TRAPPC3L: variants seen among roughly 807,000 people sequenced by gnomAD.
TRAPPC3L encodes trafficking protein particle complex subunit 3-like protein.
Under a neutral mutation model 23.7 loss-of-function variants are expected in TRAPPC3L, and 23 were observed. That is an observed-to-expected ratio of 0.97 (90% CI 0.70 to 1.37). The LOEUF is 1.37. TRAPPC3L is among the 40% of genes most tolerant of loss of function. TRAPPC3L has a pLI of 0.00. For synonymous variants in TRAPPC3L, 81 were observed against 77.9 expected, an observed-to-expected ratio of 1.04 and a Z score of -0.21; for missense variants, 212 against 216.8, an observed-to-expected ratio of 0.98 and a Z score of 0.14.
At chr6:116,514,927 G>A (rs988374462) in intron 3 of TRAPPC3L, among the ~76,000 whole-genome samples, 2 of 152,196 alleles carry the variant, frequency 1.3e-5, no homozygotes, top group African/African-American at 4.8e-5. Context: ...AAAAAAGTTA[G>A]AAGATAATTT....
At chr6:116,507,351 A>T (rs1221852957) in intron 3 of TRAPPC3L, among the ~76,000 whole-genome samples, 3 of 152,112 alleles carry the variant, frequency 2.0e-5, no homozygotes, top group African/African-American at 4.8e-5. Context: ...GAAGGGAAAA[A>T]TTTTGGAGTA....
chr6:116,501,858 C>T (rs9320563), intron 3 of TRAPPC3L, among the ~76,000 whole-genome samples: 59,690 of 151,974 alleles, frequency 0.39, 12,856 homozygotes, highest in East Asian at 0.54. Context: ...CACACCAAAC[C>T]CCATCCATAG....
chr6:116,502,191 G>A (rs1771928276), intron 3 of TRAPPC3L, among the ~76,000 whole-genome samples: 1 of 152,134 alleles, frequency 6.6e-6, no homozygotes, highest in Non-Finnish European at 1.5e-5. Flanking sequence ...TGACCTGATG[G>A]AGCTGAAAAC....
At chr6:116,537,892 TC>T (rs776243655) in intron 3 of TRAPPC3L, among the ~76,000 whole-genome samples, 56 of 152,204 alleles carry the variant, frequency 3.7e-4, no homozygotes, top group African/African-American at 5.1e-4. Context: ...AATATGTACT[TC>T]CTATTGGCAT....
rs201416592 is a variant in TRAPPC3L at position 116,516,021 on chromosome 6, G to A, written c.241-15355C>T. The stretch of plus-strand genomic sequence containing the variant: ...CACCATCAATGACTCATGGTGTTGA[G>A]TGGCATGCTCATTCTGTGATCCTCC... On this transcript the variant is annotated intron_variant, in intron 3 of 4. Coordinates refer to ENST00000368602, the MANE Select transcript of TRAPPC3L (RefSeq NM_001139444.3). 11 of 1,548,584 alleles carry A rather than the reference G, an allele frequency of 7.1e-6. No individual in the cohort carries two copies. The East Asian group carries it at 1.8e-4, about 26-fold the overall frequency.
chr6:116,505,067 G>A (rs1771980262), intron 3 of TRAPPC3L, among the ~76,000 whole-genome samples: 1 of 152,156 alleles, frequency 6.6e-6, no homozygotes, highest in South Asian at 2.1e-4. Context: ...AGGAAAAGAG[G>A]AAGTCAAATT....
chr6:116,503,971 G>A (rs1430742387), intron 3 of TRAPPC3L, among the ~76,000 whole-genome samples: 4 of 152,096 alleles, frequency 2.6e-5, no homozygotes, highest in Admixed American at 2.0e-4. Context: ...AACTAGAGAA[G>A]CAAGAGCAAA....
At chr6:116,531,854 A>C (rs1385638634) in intron 3 of TRAPPC3L, among the ~76,000 whole-genome samples, 5 of 149,786 alleles carry the variant, frequency 3.3e-5, no homozygotes, top group African/African-American at 1.2e-4. Context: ...TATACAATTT[A>C]ATATAATTAA....
intron 3 of TRAPPC3L, among the ~76,000 whole-genome samples, chr6:116,538,680 G>C (rs538429039): frequency 1.3e-5 from 2 of 151,164 alleles, no homozygotes; most frequent in Non-Finnish European, 2.9e-5. Context: ...CAGATTATTG[G>C]TCAATGCTCT....
chr6:116,536,045 G>T (rs957686402), intron 3 of TRAPPC3L, among the ~76,000 whole-genome samples: 5 of 152,242 alleles, frequency 3.3e-5, no homozygotes, highest in African/African-American at 1.2e-4. Context: ...TGCTATTAAA[G>T]TTTTTCAATA....
At chr6:116,539,633 C>T (rs969833984) in intron 3 of TRAPPC3L, among the ~76,000 whole-genome samples, 1 of 152,140 alleles carries the variant, frequency 6.6e-6, no homozygotes, top group South Asian at 2.1e-4. Flanking sequence ...TATAGAATGA[C>T]AGCCATTCAT....
In TRAPPC3L at chr6:116,497,410, T is replaced by G. The variant is rs1460059114; in HGVS notation, c.427-337A>C. ...CAGCTCGGGGATAGCCTTGACCCAC[T>G]GTGCTTAGCCAGCAGAATTTCCAAG... is the stretch of plus-strand genomic sequence containing the variant. On this transcript the variant is annotated intron_variant, in intron 4 of 4. Transcript: ENST00000368602. Among the ~76,000 whole-genome samples the G allele has an allele frequency of 3.3e-5, 5 of 152,330 alleles. No individual in the cohort carries two copies. In the East Asian group the frequency reaches 9.7e-4, roughly 29 times the overall value.
chr6:116,512,416 T>C, intron 3 of TRAPPC3L: 1 of 647,828 alleles, frequency 1.5e-6, no homozygotes, highest in Non-Finnish European at 2.5e-6. Flanking sequence ...GGTGGCTCAA[T>C]AAAGTTGCTG....
intron 3 of TRAPPC3L, chr6:116,520,864 C>T (rs1772321217): frequency 6.6e-6 from 1 of 151,728 alleles, no homozygotes; most frequent in African/African-American, 2.4e-5. Context: ...TGCCAATATA[C>T]CATGGGTTTT....
At chr6:116,536,264 A>G (rs1051870076) in intron 3 of TRAPPC3L, among the ~76,000 whole-genome samples, 2 of 152,206 alleles carry the variant, frequency 1.3e-5, no homozygotes, top group African/African-American at 4.8e-5. Flanking sequence ...TGCAAGGTCA[A>G]CTAAAGATTT....
intron 3 of TRAPPC3L, chr6:116,515,848 G>T: frequency 6.2e-7 from 1 of 1,613,958 alleles, no homozygotes; most frequent in Non-Finnish European, 8.5e-7. Context: ...CTGCCTGGGA[G>T]GCTGCTTCAG....
chr6:116,513,208 C>A (rs1400748939), intron 3 of TRAPPC3L, among the ~76,000 whole-genome samples: 1 of 152,138 alleles, frequency 6.6e-6, no homozygotes, highest in Non-Finnish European at 1.5e-5. Flanking sequence ...GCCTTGGTAA[C>A]AACAAATCAA....
intron 4 of TRAPPC3L, 106 bp from the exon 5 acceptor site, chr6:116,497,179 T>C: frequency 1.4e-6 from 2 of 1,405,356 alleles, no homozygotes; most frequent in Non-Finnish European, 1.9e-6. Flanking sequence ...AGAAATGATT[T>C]TTAAAAAAGC....
intron 3 of TRAPPC3L, chr6:116,523,121 A>G (rs1007950073): frequency 6.6e-6 from 1 of 151,728 alleles, no homozygotes; most frequent in Non-Finnish European, 1.5e-5. Context: ...TAACTGCTCT[A>G]CAGCACAGAG....
Sources: allele counts gnomAD v4.1 joint callset (sites outside exome capture counted in the v4.1 genomes callset), GRCh38; gene constraint gnomAD v4.1.1; transcripts MANE v1.5; gene names NCBI Gene and HGNC (gene_info 2026-07-23, HGNC 2026-07-21).